Variants in FAIM2 observed in about 807,000 individuals in gnomAD.
FAIM2 encodes the protein Fas apoptotic inhibitory molecule 2.
A neutral mutation model predicts 47.4 loss-of-function variants in FAIM2; 27 were observed. That is an observed-to-expected ratio of 0.57 (90% CI 0.42 to 0.78). FAIM2 has a LOEUF of 0.78. Ranked by LOEUF, FAIM2 falls within the 30% of genes least tolerant of loss-of-function variation. The pLI, the probability that FAIM2 is intolerant of heterozygous loss-of-function variation, is 0.00. For synonymous variants in FAIM2, 156 were observed against 159.3 expected, an observed-to-expected ratio of 0.98 and a Z score of 0.16; for missense variants, 311 against 389.4, an observed-to-expected ratio of 0.80 and a Z score of 1.69.
chr12:49,887,401 C>T lies in FAIM2; in HGVS notation c.786G>A (p.Ala262=), dbSNP rs371175967. 4.5e-5 allele frequency: 73 copies of T among 1,611,010 alleles called. No individual in the cohort carries two copies. The East Asian group carries it at 1.2e-3, about 26-fold the overall frequency. Residue 262 remains alanine (A), a synonymous_variant, in exon 11 of 12, where the codon GCG becomes GCA. Transcript: ENST00000320634. ...WLHAVYAALG[A]GVFTLFLALD... ...CCACACTCACCAATGTAAATACACC[C>T]GCTCCCAGTGCTGCATAAACTGCAT...
rs1214314515 is a variant in FAIM2, at chr12:49,874,172, A to G, written c.802-3519T>C. On this transcript the variant is annotated intron_variant, in intron 11 of 11. Transcript: ENST00000320634. This position sits in a 1 kb window ranked among gnomAD's most constrained non-coding sequence, Gnocchi z 4.2. ...AGGGCAGGTACTTGAGTTAGTGTTC[A>G]GCTGAACAGGAGACTCTGCAGGAGG... is the stretch of plus-strand genomic sequence containing the variant. Among the ~76,000 whole-genome samples, 4 of 152,198 alleles carry G rather than the reference A, an allele frequency of 2.6e-5. No homozygotes were observed. The highest frequency in any genetic ancestry group is 2.6e-4 in the Admixed American group (4 of 15,280).
At chr12:49,902,565 C>A (rs538045140) in intron 1 of FAIM2, among the ~76,000 whole-genome samples, 1 of 152,130 alleles carries the variant, frequency 6.6e-6, no homozygotes, top group Non-Finnish European at 1.5e-5. Context: ...AGGTCCCCCT[C>A]ACACCAGGAA....
At chr12:49,876,733 C>T (rs1166830828) in intron 11 of FAIM2, among the ~76,000 whole-genome samples, 7 of 152,018 alleles carry the variant, frequency 4.6e-5, no homozygotes, top group African/African-American at 1.7e-4. Flanking sequence ...GATTGAGCCA[C>T]TGCTCTCCAG....
intron 11 of FAIM2, among the ~76,000 whole-genome samples, chr12:49,876,071 G>A (rs980605479): frequency 3.3e-5 from 5 of 152,222 alleles, no homozygotes; most frequent in South Asian, 2.1e-4. Context: ...GTGGTCATAC[G>A]AGAAAGGGCA....
intron 5 of FAIM2, among the ~76,000 whole-genome samples, chr12:49,895,213 C>T (rs1467433198): frequency 6.6e-6 from 1 of 152,050 alleles, no homozygotes; most frequent in Non-Finnish European, 1.5e-5. Flanking sequence ...CAGCACCCAC[C>T]CTGGTAGAAG....
chr12:49,887,269 G>A (rs1946868248), intron 11 of FAIM2, 117 bp downstream of exon 11: 4 of 911,124 alleles, frequency 4.4e-6, no homozygotes, highest in South Asian at 1.5e-5. Context: ...AGCCCTACCC[G>A]CAGGTGCTCC....
intron 5 of FAIM2, 65 bp downstream of exon 5, chr12:49,896,966 A>G: frequency 1.5e-6 from 2 of 1,307,484 alleles, no homozygotes; most frequent in Non-Finnish European, 1.1e-6. Flanking sequence ...AGAAAGACAC[A>G]GAGATTCCCT....
rs1450554315 is a variant in FAIM2 at position 49,879,906 on chromosome 12, GTA to G, written c.801+7478_801+7479del. ...TATGTGTGCATGTGTATGTGCATGTGTATATGTGTGCATATGTGTATGTATGT... is the reference window on the plus strand; with the variant it reads ...TATGTGTGCATGTGTATGTGCATGTGTATGTGTGCATATGTGTATGTATGT... On this transcript the variant is annotated intron_variant, in intron 11 of 11. Transcript: ENST00000320634. 3.4e-3 allele frequency among the ~76,000 whole-genome samples: 511 copies of G among 149,524 alleles called. 3 individuals are homozygous for G. Among genetic ancestry groups the G allele is most frequent in the South Asian group, 7.7e-3 (37 of 4,788 alleles).
intron 8 of FAIM2, 36 bp from the exon 9 acceptor site, chr12:49,889,604 C>CAGGG: frequency 6.4e-7 from 1 of 1,574,502 alleles, no homozygotes; most frequent in South Asian, 1.1e-5. Context: ...AGCTCTCAGG[C>CAGGG]AGGGCATCTG....
Position 49,891,068 on chromosome 12 carries a change from GT to G in FAIM2, c.480del (p.Arg162GlyfsTer8). 6.2e-7 allele frequency: 1 copy of G among 1,614,062 alleles called. No homozygotes were observed. Among genetic ancestry groups the G allele is most frequent in the Non-Finnish European group, 8.5e-7 (1 of 1,179,938 alleles). ...ATYLTLACCS[G>X]PRRHFPWNLI... ...CTCCTCAAGCCATTAGCATACCTGGGTCCAGAACAGCAAGCCAGGGTCAGGT... is the reference window on the plus strand; with the variant it reads ...CTCCTCAAGCCATTAGCATACCTGGGCCAGAACAGCAAGCCAGGGTCAGGT... On this transcript the variant is annotated frameshift_variant, in exon 6 of 12. Coordinates refer to ENST00000320634, the MANE Select transcript of FAIM2 (RefSeq NM_012306.4). LOFTEE classifies it high-confidence loss of function.
chr12:49,887,600 C>T (rs577517095), intron 10 of FAIM2, among the ~76,000 whole-genome samples, 161 bp from the exon 11 acceptor site: 1 of 152,298 alleles, frequency 6.6e-6, no homozygotes, highest in African/African-American at 2.4e-5. Flanking sequence ...TCTCTGTGTG[C>T]CCAGGGTGGG....
chr12:49,877,117 T>C (rs1946741974), intron 11 of FAIM2, among the ~76,000 whole-genome samples: 1 of 152,192 alleles, frequency 6.6e-6, no homozygotes, highest in Non-Finnish European at 1.5e-5. Context: ...AAGCAGAAGT[T>C]CCTTTCTGCC....
intron 5 of FAIM2, among the ~76,000 whole-genome samples, chr12:49,895,852 C>T (rs297934): frequency 0.058 from 8,798 of 152,292 alleles, 844 homozygotes; most frequent in African/African-American, 0.2. Context: ...TGTGTAAGCT[C>T]CTTGGCCAGG....
intron 11 of FAIM2, among the ~76,000 whole-genome samples, chr12:49,876,600 A>G (rs1004318393): frequency 2.8e-5 from 2 of 71,588 alleles, no homozygotes; most frequent in Non-Finnish European, 5.0e-5. Context: ...CGTCTCTACT[A>G]AAAAAAAAAA....
chr12:49,879,416 G>T (rs1946782764), intron 11 of FAIM2, among the ~76,000 whole-genome samples: 1 of 150,088 alleles, frequency 6.7e-6, no homozygotes, highest in South Asian at 2.1e-4. Flanking sequence ...GTGTGCATGT[G>T]AGTGTATGTG....
intron 11 of FAIM2, among the ~76,000 whole-genome samples, chr12:49,881,895 C>T (rs1039943440): frequency 3.9e-5 from 6 of 152,242 alleles, no homozygotes; most frequent in Non-Finnish European, 8.8e-5. Context: ...CCTGCCACCC[C>T]CTCAGGTGCT....
chr12:49,879,525 CAT>C (rs1448505570), intron 11 of FAIM2, among the ~76,000 whole-genome samples: 2 of 122,360 alleles, frequency 1.6e-5, no homozygotes, highest in African/African-American at 6.4e-5. Context: ...TGTGTGTGTC[CAT>C]GTGTATATAT....
chr12:49,900,082 G>A (rs1007426831), intron 2 of FAIM2: 15 of 602,652 alleles, frequency 2.5e-5, no homozygotes, highest in African/African-American at 2.3e-4. Context: ...GGCCACAGAG[G>A]GAAGGGGAAA....
chr12:49,898,069 T>C lies in FAIM2; in HGVS notation c.233A>G (p.Asn78Ser). 6.2e-7 allele frequency: 1 copy of C among 1,613,944 alleles called. No homozygotes were observed. ...VDPSSSSSYD[N>S]GFPTGDHELF... Reference sequence around the variant, plus strand: ...CTCATGGTCTCCGGTGGGGAAACCGTTGTCATAGCTGGAGCTGCTGCCTGT... The same window carrying C: ...CTCATGGTCTCCGGTGGGGAAACCGCTGTCATAGCTGGAGCTGCTGCCTGT... Residue 78 changes from asparagine to serine, a missense_variant, in exon 3 of 12, where the codon AAC (asparagine) becomes AGC (serine). By Grantham distance (46) the Asn-to-Ser change is conservative. Coordinates refer to ENST00000320634, the MANE Select transcript of FAIM2 (RefSeq NM_012306.4).
Sources: allele counts gnomAD v4.1 joint callset (sites outside exome capture counted in the v4.1 genomes callset), GRCh38; gene constraint gnomAD v4.1.1; non-coding constraint Gnocchi (gnomAD v3.1); transcripts MANE v1.5; gene names NCBI Gene and HGNC (gene_info 2026-07-23, HGNC 2026-07-21).